Variants in NSD1 observed in about 807,000 individuals in gnomAD.
NSD1 encodes the protein nuclear receptor binding SET domain protein 1.
NSD1 carries 26 observed loss-of-function variants against 242.7 expected under a neutral mutation model. The ratio of observed to expected loss-of-function variants is 0.11; its 90% confidence interval spans 0.08 to 0.15. The LOEUF is 0.15. Ranked by LOEUF, NSD1 falls within the 10% of genes least tolerant of loss-of-function variation. The pLI is 1.00. For synonymous variants in NSD1, 1,106 were observed against 1,178.1 expected (o/e 0.94, Z 1.25); for missense variants, 2,495 against 3,272.8 (o/e 0.76, Z 5.80).
intron 22 of NSD1, 58 bp downstream of exon 22, chr5:177,292,216 C>A: frequency 1.3e-6 from 2 of 1,559,534 alleles, no homozygotes; most frequent in South Asian, 1.1e-5. Context: ...CTCAGGGTCT[C>A]ATGCCATTTG....
intron 2 of NSD1, chr5:177,137,509 G>A (rs2149759001): frequency 6.6e-6 from 1 of 152,192 alleles, no homozygotes; most frequent in Admixed American, 6.6e-5. Flanking sequence ...TGGTTTCTTG[G>A]CAATTGCAGA....
Position 177,204,287 on chromosome 5 carries a change from C to T in NSD1, c.1231C>T (p.His411Tyr). Residue 411 changes from histidine (H) to tyrosine (Y), a missense_variant, in exon 4 of 23, where the codon CAT (histidine) becomes TAT (tyrosine). This residue lies in a region of NSD1 where 65 missense variants were observed against 136.2 expected (regional missense o/e 0.48). Transcript: ENST00000439151. ...GAAACAGAAAGAAAAAGGATATAGG[C>T]ATAAGGTAGGAAACGAAAAAGGCTT... ...RGKQKEKGYR[H>Y]KVPQKILSKW... The T allele has an allele frequency of 6.2e-7, 1 of 1,613,164 alleles. No individual in the cohort carries two copies. Among genetic ancestry groups the T allele is most frequent in the East Asian group, 2.2e-5 (1 of 44,880 alleles).
chr5:177,253,140 A>G (rs917647713), intron 12 of NSD1, among the ~76,000 whole-genome samples: 4 of 152,088 alleles, frequency 2.6e-5, no homozygotes, highest in Admixed American at 1.3e-4. Context: ...AAATGCTTCA[A>G]TTTTTGCCAG....
At chr5:177,250,597 T>C (rs1206500606) in intron 11 of NSD1, among the ~76,000 whole-genome samples, 2 of 152,102 alleles carry the variant, frequency 1.3e-5, no homozygotes, top group African/African-American at 4.8e-5. Context: ...AGAAACGTTA[T>C]TGGCACTCTG....
chr5:177,252,536 G>GTT (rs1362275540), intron 12 of NSD1, among the ~76,000 whole-genome samples: 1,167 of 98,954 alleles, frequency 0.012, 80 homozygotes, highest in African/African-American at 0.049. Flanking sequence ...AAAGTAAAGT[G>GTT]TTCTTTTTTT....
chr5:177,265,271 G>T, intron 14 of NSD1: 1 of 699,568 alleles, frequency 1.4e-6, no homozygotes, highest in Non-Finnish European at 2.5e-6. Flanking sequence ...AAGACCTCTG[G>T]ACTGTTAAAA....
chr5:177,280,523 G>C (rs755246448), intron 17 of NSD1, 42 bp from the exon 18 acceptor site: 1 of 1,613,808 alleles, frequency 6.2e-7, no homozygotes, highest in African/African-American at 1.3e-5. Flanking sequence ...ATTGTCTTCT[G>C]CTGACTTGTT....
At chr5:177,146,966 C>A (rs1404058948) in intron 2 of NSD1, among the ~76,000 whole-genome samples, 4 of 151,448 alleles carry the variant, frequency 2.6e-5, no homozygotes, top group Non-Finnish European at 5.9e-5. Context: ...GAGATCGCGC[C>A]GCTGCACTCT....
chr5:177,265,040 G>A, intron 14 of NSD1: 1 of 763,778 alleles, frequency 1.3e-6, no homozygotes, highest in South Asian at 1.3e-5. Flanking sequence ...TGTGCATATT[G>A]AGCACATTAA....
rs2127292662 is a variant in NSD1 at position 177,299,234 on chromosome 5, G to A, written c.*3775G>A. 4.3e-6 allele frequency: 1 copy of A among 233,344 alleles called. No individual in the cohort carries two copies. 14.5% of individuals were successfully genotyped at this position (233,344 alleles called of 1,614,324 possible). On this transcript the variant is annotated 3_prime_UTR_variant, in exon 23 of 23. Transcript: ENST00000439151. ...TCACGGTATAAATAAGCACTGCCAA[G>A]GGTTGAGGGACTGGCAGCTCAAGAA...
At chr5:177,160,148 T>C (rs544775467) in intron 2 of NSD1, among the ~76,000 whole-genome samples, 203 of 151,326 alleles carry the variant, frequency 1.3e-3, no homozygotes, top group African/African-American at 4.7e-3. Context: ...GCCTCCGCCT[T>C]CCCAAGTGCT....
At chr5:177,158,823 A>AAAAAAAAAAAT (rs1389908810) in intron 2 of NSD1, among the ~76,000 whole-genome samples, 1 of 147,088 alleles carries the variant, frequency 6.8e-6, no homozygotes, top group African/African-American at 2.5e-5. Flanking sequence ...CTTCATCTCA[A>AAAAAAAAAAAT]AAAAAAAAAA....
rs2149843525 is a variant in NSD1, at chr5:177,210,104, C to T, written c.1705C>T (p.Leu569=). 1 of 1,613,528 alleles carries T rather than the reference C, an allele frequency of 6.2e-7. No homozygotes were observed. Among genetic ancestry groups the T allele is most frequent in the Non-Finnish European group, 8.5e-7 (1 of 1,179,824 alleles). Reference sequence around the variant, plus strand: ...GTCCAACACTGCCCCAGGAAGTTTTCTGTTTTCTTCCTGTGGAAAAAACAC... The same window carrying T: ...GTCCAACACTGCCCCAGGAAGTTTTTTGTTTTCTTCCTGTGGAAAAAACAC... ...TGSNTAPGSF[L]FSSCGKNTAK... Residue 569 remains leucine (L), a synonymous_variant, in exon 5 of 23, where the codon CTG becomes TTG. Coordinates refer to ENST00000439151, the MANE Select transcript of NSD1 (RefSeq NM_022455.5).
chr5:177,183,463 A>G (rs563130947), intron 2 of NSD1, among the ~76,000 whole-genome samples: 21 of 152,236 alleles, frequency 1.4e-4, no homozygotes, highest in Non-Finnish European at 2.4e-4. Context: ...TTACTGCATC[A>G]TATGGTCATT....
chr5:177,144,478 GC>G (rs1440291931), intron 2 of NSD1, among the ~76,000 whole-genome samples: 3 of 151,994 alleles, frequency 2.0e-5, no homozygotes, highest in African/African-American at 7.2e-5. Context: ...GTAATCAGGA[GC>G]ATTTGTTGTA....
rs2127281337 is a variant in NSD1, at chr5:177,294,475, C to G, written c.7107C>G (p.Ser2369Arg). 6.2e-7 allele frequency: 1 copy of G among 1,614,190 alleles called. No homozygotes were observed. The highest frequency in any genetic ancestry group is 8.5e-7 in the Non-Finnish European group (1 of 1,180,038). The change falls in exon 23 of 23, where the codon AGC becomes AGG. Residue 2369 changes from serine to arginine, a missense_variant. Around this residue, in one of 19 missense-constraint regions of NSD1, gnomAD observed 475 missense variants for 563.7 expected, o/e 0.84. Coordinates refer to ENST00000439151, the MANE Select transcript of NSD1 (RefSeq NM_022455.5). ...PRLDKSIGAA[S>R]PRPQSLEKTS... ...TGGATAAATCCATAGGTGCTGCCAG[C>G]CCAAGGCCCCAGTCACTGGAGAAAA...
In NSD1 at chr5:177,292,177, T is replaced by C. The variant is rs2127276714; in HGVS notation, c.6463+19T>C. The C allele has an allele frequency of 6.2e-7, 1 of 1,612,178 alleles. No homozygotes were observed. Among genetic ancestry groups the C allele is most frequent in the Admixed American group, 1.7e-5 (1 of 59,978 alleles). On this transcript the variant is annotated intron_variant, in intron 22 of 22. Transcript: ENST00000439151. ...CCAGCAGGTTGGTGCCAAAATCCAT[T>C]TGTACCGCTACTCGTTCTCTCCATC... is the stretch of plus-strand genomic sequence containing the variant.
rs959555329 is a variant in NSD1 at position 177,244,098 on chromosome 5, A to G, written c.4303-97A>G. ...AATTGCTAAAACAAGTCAAAATTCA[A>G]TATCCATGGCAGCTGACAATTCAGA... is the stretch of plus-strand genomic sequence containing the variant. On this transcript the variant is annotated intron_variant, in intron 8 of 22. Transcript: ENST00000439151. 32 of 883,214 alleles carry G rather than the reference A, an allele frequency of 3.6e-5. No homozygotes were observed. The African/African-American group carries it at 4.0e-4, about 11-fold the overall frequency. 54.7% of individuals were successfully genotyped at this position (883,214 alleles called of 1,614,324 possible).
At chr5:177,178,754 T>G (rs528059682) in intron 2 of NSD1, among the ~76,000 whole-genome samples, 1 of 152,168 alleles carries the variant, frequency 6.6e-6, no homozygotes, top group Non-Finnish European at 1.5e-5. Context: ...AAGTGCTTTG[T>G]TGAAAGTGTT....
Sources: allele counts gnomAD v4.1 joint callset (sites outside exome capture counted in the v4.1 genomes callset), GRCh38; gene constraint gnomAD v4.1.1; regional missense constraint gnomAD v4.1.1; transcripts MANE v1.5; gene names NCBI Gene and HGNC (gene_info 2026-07-23, HGNC 2026-07-21).